The following TBCE variants were observed in gnomAD, a reference collection of about 807,000 sequenced individuals.
TBCE encodes the protein tubulin folding cofactor E.
In TBCE, 53 loss-of-function variants were observed where a neutral mutation model predicts 77.0. That is an observed-to-expected ratio of 0.69 (90% CI 0.55 to 0.87). The LOEUF is 0.87. Among genes scored for constraint, TBCE ranks in the 40% least tolerant of loss-of-function variants. TBCE has a pLI of 0.00. For missense variants in TBCE, 624 were observed against 622.4 expected (o/e 1.00, Z -0.03); for synonymous variants, 235 against 241.3 (o/e 0.97, Z 0.24).
intron 2 of TBCE, among the ~76,000 whole-genome samples, chr1:235,385,690 T>G (rs1455434907): frequency 6.6e-6 from 1 of 152,200 alleles, no homozygotes; most frequent in Non-Finnish European, 1.5e-5. Context: ...CTCTATCTTT[T>G]TATTTTGGGC....
chr1:235,411,039 A>C (rs1023123125), intron 3 of TBCE, among the ~76,000 whole-genome samples: 2 of 152,260 alleles, frequency 1.3e-5, no homozygotes, highest in Non-Finnish European at 2.9e-5. Flanking sequence ...AATTATCCCA[A>C]GTAAACTGAA....
In TBCE at chr1:235,434,293, T is replaced by C. The variant is rs755658645; in HGVS notation, c.737+13T>C. 23 of 1,600,562 alleles carry C rather than the reference T, an allele frequency of 1.4e-5. No individual in the cohort carries two copies. The African/African-American group carries it at 2.9e-4, about 21-fold the overall frequency. ...TCATTTCCGAAAGGTAACTAGCACTTACTTAAATGCATCTATCCCCATTTA... is the reference window on the plus strand; with the variant it reads ...TCATTTCCGAAAGGTAACTAGCACTCACTTAAATGCATCTATCCCCATTTA... On this transcript the variant is annotated intron_variant, in intron 8 of 16. Transcript: ENST00000642610.
chr1:235,378,839 C>A (rs1357837151), intron 1 of TBCE, among the ~76,000 whole-genome samples: 1 of 152,054 alleles, frequency 6.6e-6, no homozygotes, highest in Non-Finnish European at 1.5e-5. Context: ...CCAGCCTGGG[C>A]AACAGAGCGA....
At chr1:235,422,440 C>T (rs866617763) in intron 5 of TBCE, among the ~76,000 whole-genome samples, 8 of 150,380 alleles carry the variant, frequency 5.3e-5, no homozygotes, top group South Asian at 2.1e-4. Flanking sequence ...CACTTGAACC[C>T]GGGAGGCAGA....
rs888217911 is a variant in TBCE at position 235,440,032 on chromosome 1, G to A, written c.1270+1110G>A. On this transcript the variant is annotated intron_variant, in intron 13 of 16. Transcript: ENST00000642610. Reference sequence around the variant, plus strand: ...GTCGCCCAGGCTGGAGTGCAGTGCCGCGATCTCCGCTCACTGCAAGCTCCG... The same window carrying A: ...GTCGCCCAGGCTGGAGTGCAGTGCCACGATCTCCGCTCACTGCAAGCTCCG... Among the ~76,000 whole-genome samples, 13 of 151,886 alleles carry A rather than the reference G, an allele frequency of 8.6e-5. No homozygotes were observed. In the South Asian group the frequency reaches 1.5e-3, roughly 17 times the overall value.
intron 2 of TBCE, among the ~76,000 whole-genome samples, chr1:235,394,071 T>C (rs1203643469): frequency 2.0e-5 from 3 of 152,106 alleles, no homozygotes. Context: ...ACAAATTTTA[T>C]TTTATTTTTA....
rs1466491518 is a variant in TBCE, at chr1:235,380,000, G to A, written c.-31-19G>A. The A allele has an allele frequency of 1.4e-6, 2 of 1,416,356 alleles. No homozygotes were observed. The highest frequency in any genetic ancestry group is 1.0e-6 in the Non-Finnish European group (1 of 1,001,950). 87.7% of individuals were successfully genotyped at this position (1,416,356 alleles called of 1,614,324 possible). A position where few individuals can be genotyped will look rare whatever the true frequency, so the allele number is the denominator to read the frequency against. On this transcript the variant is annotated intron_variant, in intron 1 of 16. Coordinates refer to ENST00000642610, the MANE Select transcript of TBCE (RefSeq NM_003193.5). ...GGAATTGTATTAAGTTCTTATCAGT[G>A]TTGTATTTTTCTTCCTAGATCTCAT... is the stretch of plus-strand genomic sequence containing the variant.
In TBCE at chr1:235,430,714, A is replaced by C. The variant is rs2102912922; in HGVS notation, c.570A>C (p.Lys190Asn). 6.2e-7 allele frequency: 1 copy of C among 1,612,594 alleles called. No homozygotes were observed. Among genetic ancestry groups the C allele is most frequent in the Non-Finnish European group, 8.5e-7 (1 of 1,179,092 alleles). ...HLEVLNVSEN[K>N]LKFPSGSVLT... ...TTTTTTTTCTACACAGTGAAAATAA[A>C]CTAAAATTTCCCTCCGGTTCAGTAT... Residue 190 changes from lysine to asparagine, a missense_variant, in exon 7 of 17, where the codon AAA becomes AAC. Physicochemically the swap from Lys to Asn is moderately conservative, Grantham distance 94. Coordinates refer to ENST00000642610, the MANE Select transcript of TBCE (RefSeq NM_003193.5).
At chr1:235,440,085 CT>C (rs1365797274) in intron 13 of TBCE, among the ~76,000 whole-genome samples, 2 of 152,052 alleles carry the variant, frequency 1.3e-5, no homozygotes, top group East Asian at 3.9e-4. Flanking sequence ...ATTCTCCTGC[CT>C]CAGCCTCCCG....
intron 3 of TBCE, among the ~76,000 whole-genome samples, chr1:235,403,278 C>G (rs1468625242): frequency 6.6e-6 from 1 of 152,132 alleles, no homozygotes; most frequent in Non-Finnish European, 1.5e-5. Context: ...GTGATCTTGG[C>G]TCACTGCAAC....
chr1:235,400,193 A>G (rs1412391174), intron 2 of TBCE, among the ~76,000 whole-genome samples: 7 of 151,994 alleles, frequency 4.6e-5, no homozygotes, highest in Non-Finnish European at 1.0e-4. Flanking sequence ...TATGTGTGAC[A>G]TTTTAACCGA....
rs11285286 is a variant in TBCE, at chr1:235,401,826, CTTT to C, written c.185+260_185+262del. 4.2e-3 allele frequency among the ~76,000 whole-genome samples: 368 copies of C among 88,592 alleles called. 3 individuals are homozygous for C. The highest frequency in any genetic ancestry group is 0.017 in the African/African-American group (350 of 20,614). The allele number at this position is 88,592 out of a possible 152,430, so 58.1% of individuals were successfully genotyped here. A position where few individuals can be genotyped will look rare whatever the true frequency, so the allele number is the denominator to read the frequency against. On this transcript the variant is annotated intron_variant, in intron 3 of 16. Coordinates refer to ENST00000642610, the MANE Select transcript of TBCE (RefSeq NM_003193.5). Reference sequence around the variant, plus strand: ...TATGCATGGCGTTGCTTTCTTCGTCCTTTTTTTTTTTTTTTTTTTTTTTAACAG... The same window carrying C: ...TATGCATGGCGTTGCTTTCTTCGTCCTTTTTTTTTTTTTTTTTTTTAACAG...
At chr1:235,380,557 G>A (rs556657044) in intron 2 of TBCE, among the ~76,000 whole-genome samples, 1 of 151,486 alleles carries the variant, frequency 6.6e-6, no homozygotes, top group Admixed American at 6.6e-5. Flanking sequence ...TACAATTTTT[G>A]TTACCTTTTT....
chr1:235,448,164 C>A (rs1298062406), intron 15 of TBCE, among the ~76,000 whole-genome samples, 185 bp from the exon 16 acceptor site: 1 of 148,816 alleles, frequency 6.7e-6, no homozygotes, highest in Non-Finnish European at 1.5e-5. Flanking sequence ...TACACCATTG[C>A]ACTCCAGCCT....
chr1:235,430,668 T>C (rs774008625), intron 6 of TBCE, 37 bp from the exon 7 acceptor site: 1 of 1,488,366 alleles, frequency 6.7e-7, no homozygotes, highest in Non-Finnish European at 9.3e-7. Context: ...GTTTACTGTA[T>C]AGAAATAAGT....
In TBCE at chr1:235,448,801, G is replaced by GT. The variant is rs1682680765; in HGVS notation, c.*40dup. Reference sequence around the variant, plus strand: ...AAATTTAAAGACCACACTGCTTATCGTGTCTGGGGTTCACCGGAAATAAAT... The same window carrying GT: ...AAATTTAAAGACCACACTGCTTATCGTTGTCTGGGGTTCACCGGAAATAAAT... On this transcript the variant is annotated 3_prime_UTR_variant, in exon 17 of 17. Coordinates refer to ENST00000642610, the MANE Select transcript of TBCE (RefSeq NM_003193.5). 1.5e-6 allele frequency: 2 copies of GT among 1,379,176 alleles called. No individual in the cohort carries two copies. The highest frequency in any genetic ancestry group is 2.8e-5 in the African/African-American group (2 of 70,300). 85.4% of individuals were successfully genotyped at this position (1,379,176 alleles called of 1,614,324 possible). A position where few individuals can be genotyped will look rare whatever the true frequency, so the allele number is the denominator to read the frequency against.
intron 6 of TBCE, among the ~76,000 whole-genome samples, 161 bp downstream of exon 6, chr1:235,427,400 T>C (rs1176379162): frequency 1.3e-5 from 2 of 152,188 alleles, no homozygotes; most frequent in Admixed American, 1.3e-4. Context: ...ATAGTGAGGG[T>C]ATGGAAGTCC....
intron 5 of TBCE, among the ~76,000 whole-genome samples, chr1:235,426,891 C>T (rs929662674): frequency 3.9e-5 from 6 of 152,212 alleles, no homozygotes; most frequent in Non-Finnish European, 7.3e-5. Flanking sequence ...GTGATTCCCC[C>T]GACCTTGGCA....
In TBCE at chr1:235,449,094, A is replaced by G. The variant is rs776845780; in HGVS notation, c.*332A>G. ...AATCTGAACACAGTTAATATCTGTC[A>G]TAAGACTAGTTTTAATGGAATTCTC... On this transcript the variant is annotated 3_prime_UTR_variant, in exon 17 of 17. Coordinates refer to ENST00000642610, the MANE Select transcript of TBCE (RefSeq NM_003193.5). 6.6e-5 allele frequency: 20 copies of G among 304,370 alleles called. No homozygotes were observed. The highest frequency in any genetic ancestry group is 5.9e-4 in the South Asian group (19 of 32,466). The allele number at this position is 304,370 out of a possible 1,614,324, so 18.9% of individuals were successfully genotyped here.
Sources: gnomAD v4.1 joint callset for allele counts (sites outside exome capture counted in the v4.1 genomes callset) on GRCh38, gnomAD v4.1.1 for gene constraint, MANE v1.5 for transcripts, NCBI Gene and HGNC (gene_info 2026-07-23, HGNC 2026-07-21) for gene names.